Variants in RAP1GAP2 observed in about 807,000 individuals in gnomAD.
The protein encoded by RAP1GAP2 is RAP1 GTPase activating protein 2.
RAP1GAP2 carries 27 observed loss-of-function variants against 95.0 expected under a neutral mutation model. That is an observed-to-expected ratio of 0.28 (90% CI 0.21 to 0.39). The LOEUF (loss-of-function observed/expected upper bound fraction) is 0.39. RAP1GAP2 is among the 10% of genes least tolerant of loss of function. The pLI, the probability that RAP1GAP2 is intolerant of heterozygous loss-of-function variation, is 1.00. For missense variants in RAP1GAP2, 771 were observed against 970.0 expected (o/e 0.79, Z 2.72); for synonymous variants, 373 against 380.9 (o/e 0.98, Z 0.24).
chr17:2,948,596 G>A (rs2043795498), intron 3 of RAP1GAP2, among the ~76,000 whole-genome samples: 1 of 149,408 alleles, frequency 6.7e-6, no homozygotes, highest in Non-Finnish European at 1.5e-5. Context: ...AAGAGGGAAG[G>A]AAGAGGTGGC....
At chr17:2,990,297 TG>T (rs1567863781) in intron 11 of RAP1GAP2, among the ~76,000 whole-genome samples, 1 of 152,248 alleles carries the variant, frequency 6.6e-6, no homozygotes, top group Non-Finnish European at 1.5e-5. Context: ...GATTAGCCTT[TG>T]GTATATACCT....
intron 3 of RAP1GAP2, among the ~76,000 whole-genome samples, chr17:2,949,122 C>G (rs532211280): frequency 6.6e-6 from 1 of 152,288 alleles, no homozygotes; most frequent in East Asian, 1.9e-4. Context: ...GGGGCCCAGA[C>G]GGAGTTCCTC....
intron 1 of RAP1GAP2, among the ~76,000 whole-genome samples, chr17:2,784,361 C>A (rs1374855198): frequency 6.6e-6 from 1 of 152,146 alleles, no homozygotes. Context: ...ACCTCCATCT[C>A]CCGGACTCAA....
At chr17:2,994,152 A>G in intron 12 of RAP1GAP2, among the ~76,000 whole-genome samples, 1 of 152,160 alleles carries the variant, frequency 6.6e-6, no homozygotes, top group Middle Eastern at 3.2e-3. Context: ...GGAGGCCTAG[A>G]GAGACTAAAT....
Position 2,969,496 on chromosome 17 carries a change from C to CTTTTTTTTTTTTTTTTTTTTTTTTTT in RAP1GAP2, c.596+3876_596+3877insTTTTTTTTTTTTTTTTTTTTTTTTTT, listed in dbSNP as rs34468461. 1.2e-4 allele frequency among the ~76,000 whole-genome samples: 10 copies of CTTTTTTTTTTTTTTTTTTTTTTTTTT among 83,778 alleles called. 1 individual carries two copies. Among genetic ancestry groups the CTTTTTTTTTTTTTTTTTTTTTTTTTT allele is most frequent in the African/African-American group, 4.1e-4 (9 of 21,938 alleles). 55.0% of individuals were successfully genotyped at this position (83,778 alleles called of 152,430 possible). On this transcript the variant is annotated intron_variant, in intron 8 of 24. Transcript: ENST00000254695. Reference sequence around the variant, plus strand: ...GTAAAGATGTGTAAATATATATATTCTTTTTTTTTTTTTTTTTTTTTTTGA... The same window carrying CTTTTTTTTTTTTTTTTTTTTTTTTTT: ...GTAAAGATGTGTAAATATATATATTCTTTTTTTTTTTTTTTTTTTTTTTTTTTTTTTTTTTTTTTTTTTTTTTTTGA...
intron 1 of RAP1GAP2, among the ~76,000 whole-genome samples, chr17:2,757,499 C>T (rs1281476938): frequency 6.6e-6 from 1 of 152,102 alleles, no homozygotes; most frequent in African/African-American, 2.4e-5. Flanking sequence ...CATAGCATTC[C>T]ATCGCCCGAC....
intron 2 of RAP1GAP2, among the ~76,000 whole-genome samples, chr17:2,823,561 A>G (rs1481436466): frequency 6.6e-6 from 1 of 152,178 alleles, no homozygotes; most frequent in Non-Finnish European, 1.5e-5. Context: ...TCCTGGACGC[A>G]TGGCGTAACG....
chr17:2,994,309 G>C (rs2045880795), intron 12 of RAP1GAP2, among the ~76,000 whole-genome samples: 1 of 152,140 alleles, frequency 6.6e-6, no homozygotes, highest in Non-Finnish European at 1.5e-5. Flanking sequence ...TGAGATTCTA[G>C]GTCCATCTTA....
chr17:2,988,548 G>A (rs2045636278), intron 11 of RAP1GAP2, among the ~76,000 whole-genome samples: 1 of 152,204 alleles, frequency 6.6e-6, no homozygotes, highest in African/African-American at 2.4e-5. Context: ...TATCAATACT[G>A]TGTTCTTTTT....
At chr17:2,900,304 C>T (rs956989123) in intron 2 of RAP1GAP2, among the ~76,000 whole-genome samples, 12 of 152,154 alleles carry the variant, frequency 7.9e-5, no homozygotes, top group South Asian at 6.2e-4. Context: ...GGCATTTAAA[C>T]GGCCTTGGAC....
In RAP1GAP2 at chr17:3,026,343, C is replaced by G. The variant is rs1039023872; in HGVS notation, c.1866-7C>G. The stretch of plus-strand genomic sequence containing the variant: ...CCCGGGCTGGCCTCACTTCCTATTC[C>G]CTGCAGGCCCTTCATGAAGTTGAAG... On this transcript the variant is annotated splice_polypyrimidine_tract_variant and splice_region_variant and intron_variant, in intron 20 of 24. Coordinates refer to ENST00000254695, the MANE Select transcript of RAP1GAP2 (RefSeq NM_015085.5). 1.3e-6 allele frequency: 2 copies of G among 1,547,914 alleles called. No homozygotes were observed. Among genetic ancestry groups the G allele is most frequent in the East Asian group, 4.9e-5 (2 of 40,910 alleles).
intron 4 of RAP1GAP2, among the ~76,000 whole-genome samples, chr17:2,959,134 C>T (rs111833471): frequency 2.0e-5 from 3 of 152,254 alleles, no homozygotes; most frequent in African/African-American, 7.2e-5. Flanking sequence ...AGGGGGTTTG[C>T]AGCCCACCCA....
At chr17:2,757,414 G>A (rs977186161) in intron 1 of RAP1GAP2, among the ~76,000 whole-genome samples, 2 of 152,196 alleles carry the variant, frequency 1.3e-5, no homozygotes, top group African/African-American at 4.8e-5. Flanking sequence ...GAGCCACCGT[G>A]CCCCTGGCAG....
chr17:2,851,743 G>T (rs2071858846), intron 2 of RAP1GAP2, among the ~76,000 whole-genome samples: 2 of 152,164 alleles, frequency 1.3e-5, no homozygotes, highest in Admixed American at 6.5e-5. Context: ...ATTCCCTGTT[G>T]TAGTTGTTTG....
rs9904132 is a variant in RAP1GAP2, at chr17:3,037,368, C to T, written c.*4007C>T. 0.25 allele frequency: 15,388 copies of T among 62,326 alleles called. 4,076 individuals are homozygous for T. Among genetic ancestry groups the T allele is most frequent in the African/African-American group, 0.36 (9,505 of 26,152 alleles). The allele number at this position is 62,326 out of a possible 1,614,324, so 3.9% of individuals were successfully genotyped here. A position where few individuals can be genotyped will look rare whatever the true frequency, so the allele number is the denominator to read the frequency against. On this transcript the variant is annotated 3_prime_UTR_variant, in exon 25 of 25. Coordinates refer to ENST00000254695, the MANE Select transcript of RAP1GAP2 (RefSeq NM_015085.5). ...TTCTGCTTGGAAGTGTGAACTACCC[C>T]CCCCCCCCCGCTTCCTGCTCCTTAG...
At chr17:2,944,920 C>T (rs1320182544) in intron 3 of RAP1GAP2, among the ~76,000 whole-genome samples, 4 of 152,086 alleles carry the variant, frequency 2.6e-5, no homozygotes, top group Non-Finnish European at 5.9e-5. Flanking sequence ...TCTTGCTCTG[C>T]CACCCAGGCT....
Position 2,998,370 on chromosome 17 carries a change from C to G in RAP1GAP2, c.1194C>G (p.Ser398=). 2 of 1,613,998 alleles carry G rather than the reference C, an allele frequency of 1.2e-6. No homozygotes were observed. Among genetic ancestry groups the G allele is most frequent in the Admixed American group, 3.3e-5 (2 of 60,018 alleles). ...QVETPGTETP[S]YKVSVTARED... ...AGACCCCAGGCACAGAGACCCCATC[C>G]TACAAGGTAAGGAGAACGCCTTGTT... Residue 398 remains serine, a synonymous_variant, in exon 14 of 25, where the codon TCC becomes TCG. Transcript: ENST00000254695.
In RAP1GAP2 at chr17:2,804,166, G is replaced by A. The variant is rs945451782; in HGVS notation, c.80+3616G>A. 3.9e-4 allele frequency among the ~76,000 whole-genome samples: 59 copies of A among 152,262 alleles called. 2 individuals carry two copies. In the Middle Eastern group the frequency reaches 0.014, roughly 35 times the overall value. The stretch of plus-strand genomic sequence containing the variant: ...GCCATGTAGCGGATACTCCTGGGCT[G>A]CAGCCCAGGCTCCCTGGTTGCCTTG... On this transcript the variant is annotated intron_variant, in intron 2 of 24. Transcript: ENST00000254695.
At position 2,784,964 on chromosome 17, in the gene RAP1GAP2, G is replaced by A. The variant is rs143613419; in HGVS notation, c.-14+7686G>A. 7.8e-4 allele frequency among the ~76,000 whole-genome samples: 119 copies of A among 152,320 alleles called. 2 individuals are homozygous for A. The highest frequency in any genetic ancestry group is 2.7e-3 in the African/African-American group (111 of 41,578). On this transcript the variant is annotated intron_variant, in intron 1 of 24. Transcript: ENST00000540393. ...TGAACATGCTGTGTTTGAGCTGAGG[G>A]AGCTCTCCGCTTCTCCCTGTCCCTG...
Sources: gnomAD v4.1 joint callset for allele counts (sites outside exome capture counted in the v4.1 genomes callset) on GRCh38, gnomAD v4.1.1 for gene constraint, MANE v1.5 for transcripts, NCBI Gene and HGNC (gene_info 2026-07-23, HGNC 2026-07-21) for gene names.